AGAP1: variants seen among roughly 807,000 people sequenced by gnomAD.
AGAP1 encodes the protein ArfGAP with GTPase domain, ankyrin repeat and PH domain 1, also known as arf-GAP with GTPase, ANK repeat and PH domain-containing protein 1.
Under a neutral mutation model 105.3 loss-of-function variants are expected in AGAP1, and 29 were observed. That is an observed-to-expected ratio of 0.28 (90% CI 0.21 to 0.38). The LOEUF is 0.38. AGAP1 is among the 10% of genes least tolerant of loss of function. The probability of loss-of-function intolerance (pLI) is 1.00; values close to 1 mark genes in which losing one functional copy is unlikely to be tolerated. For synonymous variants in AGAP1, 509 were observed against 485.9 expected (o/e 1.05, Z -0.63); for missense variants, 998 against 1,165.1 (o/e 0.86, Z 2.09).
intron 9 of AGAP1, among the ~76,000 whole-genome samples, chr2:235,826,154 A>AACAC (rs1323185953): frequency 6.6e-6 from 1 of 152,234 alleles, no homozygotes; most frequent in East Asian, 1.9e-4. Flanking sequence ...AAGGAGAAGG[A>AACAC]ACACACCGTT....
In AGAP1 at chr2:235,900,410, C is replaced by G. The variant is rs561294585; in HGVS notation, c.1156-8328C>G. On this transcript the variant is annotated intron_variant, in intron 10 of 17. Coordinates refer to ENST00000304032, the MANE Select transcript of AGAP1 (RefSeq NM_001037131.3). This position sits in a 1 kb window ranked among gnomAD's most constrained non-coding sequence, Gnocchi z 5.5. ...GTTGTGTCTCGGTGGCAGCATTTCT[C>G]CCTCTGGAACTAAGACCCCTAGGCC... is the stretch of plus-strand genomic sequence containing the variant. Among the ~76,000 whole-genome samples, 1 of 142,448 alleles carries G rather than the reference C, an allele frequency of 7.0e-6. No homozygotes were observed. Among genetic ancestry groups the G allele is most frequent in the Non-Finnish European group, 1.6e-5 (1 of 64,330 alleles). The allele number at this position is 142,448 out of a possible 152,430, so 93.5% of individuals were successfully genotyped here.
intron 11 of AGAP1, among the ~76,000 whole-genome samples, chr2:235,910,465 C>T (rs2051549504): frequency 6.6e-6 from 1 of 152,100 alleles, no homozygotes; most frequent in Non-Finnish European, 1.5e-5. Flanking sequence ...ACCTTTCTTC[C>T]AAGACATCCG....
At chr2:235,912,821 C>G (rs1227443360) in intron 11 of AGAP1, among the ~76,000 whole-genome samples, 1 of 152,180 alleles carries the variant, frequency 6.6e-6, no homozygotes, top group Non-Finnish European at 1.5e-5. Context: ...AGAATTTATG[C>G]TAATCTGATG....
At chr2:236,041,860 A>G (rs1164449040) in intron 15 of AGAP1, among the ~76,000 whole-genome samples, 1 of 152,182 alleles carries the variant, frequency 6.6e-6, no homozygotes, top group African/African-American at 2.4e-5. Flanking sequence ...CTTGCCACCC[A>G]TGCAGGAGCT....
At position 235,599,531 on chromosome 2, in the gene AGAP1, T is replaced by C. The variant is rs1187190096; in HGVS notation, c.163+104682T>C. On this transcript the variant is annotated intron_variant, in intron 1 of 17. Transcript: ENST00000304032. This position sits in a 1 kb window ranked among gnomAD's most constrained non-coding sequence, Gnocchi z 5.3. ...TATTCCATAGCCACAAAAATAAGTTTATAAAAAGCCCCCACCAAGTCAGGA... is the reference window on the plus strand; with the variant it reads ...TATTCCATAGCCACAAAAATAAGTTCATAAAAAGCCCCCACCAAGTCAGGA... Among the ~76,000 whole-genome samples the C allele has an allele frequency of 6.6e-6, 1 of 152,144 alleles. No homozygotes were observed. Among genetic ancestry groups the C allele is most frequent in the Non-Finnish European group, 1.5e-5 (1 of 68,038 alleles).
chr2:236,108,242 G>A (rs1198507782), intron 16 of AGAP1, among the ~76,000 whole-genome samples: 1 of 152,202 alleles, frequency 6.6e-6, no homozygotes, highest in Non-Finnish European at 1.5e-5. Context: ...ACCGAGAAAG[G>A]AAGCCCCTCT....
chr2:235,703,561 C>A (rs1228220596), intron 1 of AGAP1, among the ~76,000 whole-genome samples: 1 of 133,622 alleles, frequency 7.5e-6, no homozygotes, highest in Non-Finnish European at 1.6e-5. Context: ...CCTCCCCCTC[C>A]TTCCCCTCCC....
chr2:235,577,672 G>A lies in AGAP1; in HGVS notation c.163+82823G>A, dbSNP rs1471580174. 2.0e-5 allele frequency among the ~76,000 whole-genome samples: 3 copies of A among 152,096 alleles called. No individual in the cohort carries two copies. The highest frequency in any genetic ancestry group is 7.2e-5 in the African/African-American group (3 of 41,396). ...TTAACTCTGAGCATTCGGAACATTC[G>A]CCGAGTGGAACGTGTGTGTCGTCAT... On this transcript the variant is annotated intron_variant, in intron 1 of 17. Transcript: ENST00000304032. This position sits in a 1 kb window ranked among gnomAD's most constrained non-coding sequence, Gnocchi z 4.5.
rs1948241582 is a variant in AGAP1 at position 235,669,397 on chromosome 2, C to T, written c.164-39782C>T. ...CTTGCAGGCCAAGCCCCAGAGTGGG[C>T]GTGGTTTTAGGGTGCAGGCTGGTGC... On this transcript the variant is annotated intron_variant, in intron 1 of 17. Coordinates refer to ENST00000304032, the MANE Select transcript of AGAP1 (RefSeq NM_001037131.3). Among the ~76,000 whole-genome samples the T allele has an allele frequency of 2.6e-5, 4 of 152,196 alleles. No homozygotes were observed. In the South Asian group the frequency reaches 6.2e-4, roughly 24 times the overall value.
At chr2:235,783,758 A>G (rs1956426261) in intron 6 of AGAP1, among the ~76,000 whole-genome samples, 1 of 150,878 alleles carries the variant, frequency 6.6e-6, no homozygotes, top group African/African-American at 2.4e-5. Flanking sequence ...GCCCAGAGGA[A>G]CTCCTCAGGG....
chr2:235,768,710 A>G (rs963611091), intron 6 of AGAP1, among the ~76,000 whole-genome samples: 2 of 152,114 alleles, frequency 1.3e-5, no homozygotes, highest in African/African-American at 4.8e-5. Flanking sequence ...CATTCACAGA[A>G]CCTACCTGCA....
At chr2:235,652,185 T>A (rs560933117) in intron 1 of AGAP1, among the ~76,000 whole-genome samples, 1 of 152,198 alleles carries the variant, frequency 6.6e-6, no homozygotes, top group South Asian at 2.1e-4. Context: ...CCCTGACTGG[T>A]CAACTGGAAG....
chr2:235,575,833 C>A (rs1029097445), intron 1 of AGAP1, among the ~76,000 whole-genome samples: 8 of 152,188 alleles, frequency 5.3e-5, no homozygotes, highest in African/African-American at 1.9e-4. Context: ...AAAATAACCA[C>A]CTCTTTACTG....
At position 235,747,240 on chromosome 2, in the gene AGAP1, G is replaced by C. The variant is rs542384936; in HGVS notation, c.538+2401G>C. Among the ~76,000 whole-genome samples, 8 of 152,240 alleles carry C rather than the reference G, an allele frequency of 5.3e-5. No individual in the cohort carries two copies. The highest frequency in any genetic ancestry group is 1.9e-4 in the African/African-American group (8 of 41,566). ...AGCCAAGGGGCACATCGAGCCTCCT[G>C]CCAGGGTGGCTGCTTAGATTCTCGA... is the stretch of plus-strand genomic sequence containing the variant. On this transcript the variant is annotated intron_variant, in intron 5 of 17. Coordinates refer to ENST00000304032, the MANE Select transcript of AGAP1 (RefSeq NM_001037131.3). This position sits in a 1 kb window ranked among gnomAD's most constrained non-coding sequence, Gnocchi z 5.0.
chr2:235,971,135 A>G lies in AGAP1; in HGVS notation c.1645+2512A>G, dbSNP rs1032446869. Among the ~76,000 whole-genome samples, 3 of 152,226 alleles carry G rather than the reference A, an allele frequency of 2.0e-5. No individual in the cohort carries two copies. Among genetic ancestry groups the G allele is most frequent in the African/African-American group, 7.2e-5 (3 of 41,454 alleles). On this transcript the variant is annotated intron_variant, in intron 13 of 17. Coordinates refer to ENST00000304032, the MANE Select transcript of AGAP1 (RefSeq NM_001037131.3). The surrounding 1 kb of genome is among the most constrained non-coding windows in gnomAD (Gnocchi z 4.8). ...GAGTCTGGTCTCTACGTCAGCGGCT[A>G]TGACATCTTTCCAATAGCAAATAAG... is the stretch of plus-strand genomic sequence containing the variant.
In AGAP1 at chr2:235,517,144, G is replaced by T. The variant is rs992123795; in HGVS notation, c.163+22295G>T. On this transcript the variant is annotated intron_variant, in intron 1 of 17. Transcript: ENST00000304032. This position sits in a 1 kb window ranked among gnomAD's most constrained non-coding sequence, Gnocchi z 4.1. ...GGCAGGTTTGGCTTCTTCCCATTCT[G>T]TGCCTCACCTGGTCTTTTCCGTGTG... 5.3e-5 allele frequency among the ~76,000 whole-genome samples: 8 copies of T among 152,162 alleles called. No homozygotes were observed. Among genetic ancestry groups the T allele is most frequent in the African/African-American group, 1.9e-4 (8 of 41,448 alleles).
intron 9 of AGAP1, among the ~76,000 whole-genome samples, chr2:235,819,180 A>G (rs544136556): frequency 6.7e-6 from 1 of 150,040 alleles, no homozygotes; most frequent in Non-Finnish European, 1.5e-5. Context: ...ATGGTGCAAT[A>G]TCTTGGCTCA....
intron 6 of AGAP1, among the ~76,000 whole-genome samples, chr2:235,761,735 A>T (rs1158240926): frequency 6.6e-6 from 1 of 152,228 alleles, no homozygotes; most frequent in African/African-American, 2.4e-5. Context: ...CTTAACTAGG[A>T]TAGTCAGAAG....
intron 1 of AGAP1, among the ~76,000 whole-genome samples, chr2:235,570,280 C>T (rs550250964): frequency 1.3e-5 from 2 of 152,186 alleles, no homozygotes; most frequent in Non-Finnish European, 2.9e-5. Flanking sequence ...CCTACAAGCC[C>T]CTGCCTCCAT....
Sources: allele counts gnomAD v4.1 joint callset (sites outside exome capture counted in the v4.1 genomes callset), GRCh38; gene constraint gnomAD v4.1.1; non-coding constraint Gnocchi (gnomAD v3.1); transcripts MANE v1.5; gene names NCBI Gene and HGNC (gene_info 2026-07-23, HGNC 2026-07-21).